Variants in RNF11 observed in about 807,000 individuals in gnomAD.
The protein encoded by RNF11 is ring finger protein 11.
A neutral mutation model predicts 15.8 loss-of-function variants in RNF11; 4 were observed. The ratio of observed to expected loss-of-function variants is 0.25; its 90% CI spans 0.12 to 0.58. RNF11 has a LOEUF of 0.58. Ranked by LOEUF, RNF11 falls within the 20% of genes least tolerant of loss-of-function variation. RNF11 has a pLI of 0.91. For synonymous variants in RNF11, 68 were observed against 72.3 expected (o/e 0.94, Z 0.30); for missense variants, 139 against 194.4 (o/e 0.71, Z 1.70).
intron 1 of RNF11, among the ~76,000 whole-genome samples, chr1:51,247,317 G>A (rs922371230): frequency 6.6e-6 from 1 of 152,142 alleles, no homozygotes. Context: ...TTGAGCTCAA[G>A]CCAACCTCCT....
At chr1:51,260,198 A>G (rs1646924183) in intron 1 of RNF11, among the ~76,000 whole-genome samples, 1 of 152,202 alleles carries the variant, frequency 6.6e-6, no homozygotes, top group African/African-American at 2.4e-5. Flanking sequence ...ATGGTGTTCA[A>G]ACTTTTTATT....
chr1:51,249,950 G>A (rs1449858904), intron 1 of RNF11, among the ~76,000 whole-genome samples: 5 of 152,110 alleles, frequency 3.3e-5, no homozygotes, highest in Admixed American at 6.6e-5. Flanking sequence ...TGCAGTAAAC[G>A]TTTTGCTGTA....
intron 1 of RNF11, among the ~76,000 whole-genome samples, chr1:51,255,931 T>C (rs993264713): frequency 3.3e-5 from 5 of 152,230 alleles, no homozygotes; most frequent in African/African-American, 1.2e-4. Context: ...TTTTCAGGAT[T>C]GTTATGGCTA....
chr1:51,243,719 G>T (rs753222024), intron 1 of RNF11, among the ~76,000 whole-genome samples: 1 of 152,216 alleles, frequency 6.6e-6, no homozygotes, highest in South Asian at 2.1e-4. Context: ...GATTACAGGC[G>T]TGAGCCACCA....
At chr1:51,262,074 C>G (rs1018028040) in intron 1 of RNF11, among the ~76,000 whole-genome samples, 2 of 152,068 alleles carry the variant, frequency 1.3e-5, no homozygotes, top group Non-Finnish European at 2.9e-5. Flanking sequence ...AGGCTGGTCT[C>G]GAACTCCTGG....
In RNF11 at chr1:51,270,001, C is replaced by T. The variant is rs753810005; in HGVS notation, c.169C>T (p.Arg57Trp). Residue 57 changes from arginine (R) to tryptophan (W), a missense_variant, in exon 2 of 3, where the codon CGG becomes TGG. Coordinates refer to ENST00000242719, the MANE Select transcript of RNF11 (RefSeq NM_014372.5). ...PVYHPTPSQTRLATQLTEEEQ... is the reference protein window; with the variant it reads ...PVYHPTPSQTWLATQLTEEEQ... ...CTACCACCCAACACCTAGCCAGACTCGGCTAGCAACTCAGCTGACTGAAGA... is the reference window on the plus strand; with the variant it reads ...CTACCACCCAACACCTAGCCAGACTTGGCTAGCAACTCAGCTGACTGAAGA... The T allele has an allele frequency of 1.9e-6, 3 of 1,613,446 alleles. No homozygotes were observed. The highest frequency in any genetic ancestry group is 2.5e-6 in the Non-Finnish European group (3 of 1,179,664).
At chr1:51,244,842 A>T (rs116221183) in intron 1 of RNF11, among the ~76,000 whole-genome samples, 128 of 152,284 alleles carry the variant, frequency 8.4e-4, no homozygotes, top group African/African-American at 3.0e-3. Context: ...TTTGGCATTA[A>T]GATTGTATGC....
chr1:51,250,513 C>T, intron 1 of RNF11: 1 of 539,606 alleles, frequency 1.9e-6, no homozygotes, highest in South Asian at 2.4e-5. Context: ...TTTGTTTACA[C>T]AAGTATGTTG....
chr1:51,264,317 T>TATACAC (rs376694497), intron 1 of RNF11, among the ~76,000 whole-genome samples: 5 of 75,516 alleles, frequency 6.6e-5, no homozygotes, highest in South Asian at 4.8e-4. Flanking sequence ...TATATATATA[T>TATACAC]ACACACACAC....
Position 51,236,562 on chromosome 1 carries a change from C to T in RNF11, c.-195C>T, listed in dbSNP as rs890526801. On this transcript the variant is annotated 5_prime_UTR_variant, in exon 1 of 3. Coordinates refer to ENST00000242719, the MANE Select transcript of RNF11 (RefSeq NM_014372.5). ...CCGCGACCCCAGCGGAGCCCGCGGC[C>T]CAGCCTTGATCCCCCAACCCCGGGG... The T allele has an allele frequency of 2.2e-6, 1 of 449,808 alleles. No homozygotes were observed. Among genetic ancestry groups the T allele is most frequent in the Non-Finnish European group, 3.7e-6 (1 of 266,912 alleles). The allele number at this position is 449,808 out of a possible 1,614,324, so 27.9% of individuals were successfully genotyped here.
chr1:51,251,878 C>A (rs111954610), intron 1 of RNF11, among the ~76,000 whole-genome samples: 3,201 of 151,922 alleles, frequency 0.021, 94 homozygotes, highest in African/African-American at 0.065. Flanking sequence ...CAGGAGTTTG[C>A]GACGAGCCTG....
intron 1 of RNF11, among the ~76,000 whole-genome samples, chr1:51,242,379 C>A (rs1399406431): frequency 6.8e-6 from 1 of 146,422 alleles, no homozygotes; most frequent in African/African-American, 2.6e-5. Flanking sequence ...GTCATCCCAG[C>A]ACTTAGGTGG....
At chr1:51,254,207 G>GT (rs202051413) in intron 1 of RNF11, among the ~76,000 whole-genome samples, 3,279 of 150,044 alleles carry the variant, frequency 0.022, 100 homozygotes, top group African/African-American at 0.073. Flanking sequence ...TTAGGTTATA[G>GT]TTTTTTTTTT....
chr1:51,245,264 C>T (rs970944031), intron 1 of RNF11, among the ~76,000 whole-genome samples: 3 of 151,758 alleles, frequency 2.0e-5, no homozygotes, highest in South Asian at 2.1e-4. Flanking sequence ...GCAGTCCTCC[C>T]ATCTCAGTCT....
intron 1 of RNF11, among the ~76,000 whole-genome samples, chr1:51,237,892 G>T (rs1646812254): frequency 6.6e-6 from 1 of 152,126 alleles, no homozygotes; most frequent in Non-Finnish European, 1.5e-5. Flanking sequence ...TTCATGTGAT[G>T]ACATCATTAT....
chr1:51,263,714 ATTAG>A (rs1415825790), intron 1 of RNF11, among the ~76,000 whole-genome samples: 4 of 152,314 alleles, frequency 2.6e-5, no homozygotes, highest in African/African-American at 4.8e-5. Context: ...CAAAAAGCAA[ATTAG>A]TTAGTAGTAG....
At chr1:51,258,908 T>C (rs1028323065) in intron 1 of RNF11, among the ~76,000 whole-genome samples, 2 of 152,246 alleles carry the variant, frequency 1.3e-5, no homozygotes, top group African/African-American at 4.8e-5. Flanking sequence ...TTATGTCCAC[T>C]GGGCCTTTGT....
chr1:51,261,360 G>A (rs999943297), intron 1 of RNF11, among the ~76,000 whole-genome samples: 1 of 151,992 alleles, frequency 6.6e-6, no homozygotes, highest in African/African-American at 2.4e-5. Context: ...AAAGTGTTAA[G>A]AATCCGTGAG....
chr1:51,238,870 C>T (rs1218552357), intron 1 of RNF11, among the ~76,000 whole-genome samples: 1 of 152,098 alleles, frequency 6.6e-6, no homozygotes, highest in Non-Finnish European at 1.5e-5. Context: ...GCTGGGATTA[C>T]AGGCGCGTGC....
Sources: allele counts gnomAD v4.1 joint callset (sites outside exome capture counted in the v4.1 genomes callset), GRCh38; gene constraint gnomAD v4.1.1; transcripts MANE v1.5; gene names NCBI Gene and HGNC (gene_info 2026-07-23, HGNC 2026-07-21).